Variants in PACSIN2 observed in about 807,000 individuals in gnomAD.
PACSIN2 encodes protein kinase C and casein kinase substrate in neurons protein 2.
PACSIN2 carries 25 observed loss-of-function variants against 63.8 expected under a neutral mutation model. That is an observed-to-expected ratio of 0.39 (90% CI 0.29 to 0.55). PACSIN2 has a LOEUF of 0.55. Among genes scored for constraint, PACSIN2 ranks in the 20% least tolerant of loss-of-function variants. PACSIN2 has a pLI of 0.62. For synonymous variants in PACSIN2, 255 were observed against 256.2 expected (o/e 1.00, Z 0.05); for missense variants, 518 against 646.9 (o/e 0.80, Z 2.16).
At chr22:42,976,651 TA>T (rs1921725405) in intron 1 of PACSIN2, among the ~76,000 whole-genome samples, 1 of 152,246 alleles carries the variant, frequency 6.6e-6, no homozygotes, top group Non-Finnish European at 1.5e-5. Flanking sequence ...TATGCTAACA[TA>T]ACCACATGGG....
intron 1 of PACSIN2, among the ~76,000 whole-genome samples, chr22:42,977,823 T>C (rs908717023): frequency 6.6e-6 from 1 of 152,164 alleles, no homozygotes; most frequent in Non-Finnish European, 1.5e-5. Flanking sequence ...CACGCTTGCT[T>C]CCCCTTCCAC....
At chr22:42,899,849 G>A (rs187319852) in intron 2 of PACSIN2, among the ~76,000 whole-genome samples, 1 of 152,304 alleles carries the variant, frequency 6.6e-6, no homozygotes, top group African/African-American at 2.4e-5. Context: ...GAATGATGTG[G>A]GGCATGATGC....
At chr22:42,992,027 TA>T (rs1276945809) in intron 1 of PACSIN2, among the ~76,000 whole-genome samples, 1 of 152,186 alleles carries the variant, frequency 6.6e-6, no homozygotes, top group Non-Finnish European at 1.5e-5. Context: ...AGCAAATGTT[TA>T]AAACTTCTGT....
At chr22:42,944,360 A>G (rs934949191) in intron 1 of PACSIN2, among the ~76,000 whole-genome samples, 1 of 152,258 alleles carries the variant, frequency 6.6e-6, no homozygotes, top group African/African-American at 2.4e-5. Context: ...AGGAAAAAAA[A>G]GCACAACTTC....
chr22:43,005,570 C>A (rs939175335), intron 1 of PACSIN2, among the ~76,000 whole-genome samples: 1 of 152,104 alleles, frequency 6.6e-6, no homozygotes, highest in Admixed American at 6.5e-5. Flanking sequence ...CAATGACCTG[C>A]GACTACACCC....
intron 1 of PACSIN2, among the ~76,000 whole-genome samples, chr22:42,934,421 C>A (rs1221575648): frequency 6.6e-6 from 1 of 152,216 alleles, no homozygotes; most frequent in African/African-American, 2.4e-5. Flanking sequence ...TTGGGCCCTG[C>A]CTCAGCTGCA....
At chr22:43,010,320 C>CTTGAGGCCAGGGGT (rs1249490422) in intron 1 of PACSIN2, among the ~76,000 whole-genome samples, 2 of 150,584 alleles carry the variant, frequency 1.3e-5, no homozygotes, top group African/African-American at 4.9e-5. Context: ...GGGAGGATCA[C>CTTGAGGCCAGGGGT]TTGAGGCCAG....
intron 10 of PACSIN2, among the ~76,000 whole-genome samples, chr22:42,872,728 T>C (rs1340232376): frequency 5.9e-5 from 9 of 152,154 alleles, no homozygotes; most frequent in Non-Finnish European, 1.5e-5. Context: ...GAAGATTAAG[T>C]GTTAAGACAC....
intron 2 of PACSIN2, among the ~76,000 whole-genome samples, chr22:42,896,889 T>C (rs889371060): frequency 1.3e-5 from 2 of 152,256 alleles, no homozygotes; most frequent in Non-Finnish European, 2.9e-5. Context: ...ACTGAAAATC[T>C]TTTCTTATGA....
At chr22:42,889,576 C>T (rs1287518646) in intron 4 of PACSIN2, among the ~76,000 whole-genome samples, 2 of 152,042 alleles carry the variant, frequency 1.3e-5, no homozygotes, top group Non-Finnish European at 2.9e-5. Flanking sequence ...AAAGGAGACA[C>T]AGAGAAAACC....
chr22:42,979,480 T>C (rs1245303573), intron 1 of PACSIN2, among the ~76,000 whole-genome samples: 2 of 125,156 alleles, frequency 1.6e-5, no homozygotes, highest in Non-Finnish European at 1.5e-5. Context: ...GCCGAGATCA[T>C]GCCACTGCAC....
chr22:42,985,644 C>T (rs11705627), intron 1 of PACSIN2, among the ~76,000 whole-genome samples: 50,408 of 152,112 alleles, frequency 0.33, 9,964 homozygotes, highest in Non-Finnish European at 0.45. Context: ...AAGAACAGCC[C>T]CTCCAACAGA....
intron 1 of PACSIN2, among the ~76,000 whole-genome samples, chr22:43,011,100 C>G (rs894648817): frequency 6.6e-6 from 1 of 152,226 alleles, no homozygotes; most frequent in Non-Finnish European, 1.5e-5. Flanking sequence ...ATCCCAAGAA[C>G]CACCACTGGG....
intron 1 of PACSIN2, among the ~76,000 whole-genome samples, chr22:42,924,382 T>G (rs1205156007): frequency 2.0e-5 from 3 of 152,218 alleles, no homozygotes; most frequent in African/African-American, 7.2e-5. Context: ...TACTTGTACA[T>G]ACAACTGTAG....
At chr22:42,986,408 T>C (rs78200877) in intron 1 of PACSIN2, among the ~76,000 whole-genome samples, 2,586 of 151,946 alleles carry the variant, frequency 0.017, 83 homozygotes, top group African/African-American at 0.059. Context: ...CCAAACGAAA[T>C]CAAACGCCTA....
intron 1 of PACSIN2, among the ~76,000 whole-genome samples, chr22:42,918,206 C>A (rs1249193650): frequency 6.6e-6 from 1 of 152,204 alleles, no homozygotes; most frequent in Non-Finnish European, 1.5e-5. Context: ...TAGCCATGCT[C>A]AACCTCATAG....
At chr22:42,922,978 T>A (rs1932291928) in intron 1 of PACSIN2, among the ~76,000 whole-genome samples, 1 of 152,064 alleles carries the variant, frequency 6.6e-6, no homozygotes, top group East Asian at 1.9e-4. Flanking sequence ...GCAGTGGGCA[T>A]GAGAAGGACA....
chr22:42,902,352 T>C (rs552681297), intron 2 of PACSIN2, among the ~76,000 whole-genome samples: 1 of 152,120 alleles, frequency 6.6e-6, no homozygotes, highest in South Asian at 2.1e-4. Flanking sequence ...CCCCCACAGA[T>C]TACCCCTCCC....
At position 42,993,059 on chromosome 22, in the gene PACSIN2, G is replaced by A. The variant is rs149641109; in HGVS notation, c.-78+21962C>T. Among the ~76,000 whole-genome samples, 454 of 151,368 alleles carry A rather than the reference G, an allele frequency of 3.0e-3. 3 individuals carry two copies. Among genetic ancestry groups the A allele is most frequent in the African/African-American group, 0.011 (437 of 40,788 alleles). On this transcript the variant is annotated intron_variant, in intron 1 of 10. Transcript: ENST00000263246. ...CATGCACTTATAGTCCCAGCTACTC[G>A]GGAGCTGGGAGCTGGGAAGCAGGAG... is the stretch of plus-strand genomic sequence containing the variant.
Sources: gnomAD v4.1 joint callset for allele counts (sites outside exome capture counted in the v4.1 genomes callset) on GRCh38, gnomAD v4.1.1 for gene constraint, MANE v1.5 for transcripts, NCBI Gene and HGNC (gene_info 2026-07-23, HGNC 2026-07-21) for gene names.